TENM4: variants seen among roughly 807,000 people sequenced by gnomAD.
The protein encoded by TENM4 is teneurin transmembrane protein 4.
TENM4 carries 82 observed loss-of-function variants against 243.3 expected under a neutral mutation model. The ratio of observed to expected loss-of-function variants is 0.34; its 90% CI spans 0.28 to 0.40. The LOEUF (loss-of-function observed/expected upper bound fraction) is 0.40. Ranked by LOEUF, TENM4 falls within the 10% of genes least tolerant of loss-of-function variation. The probability of loss-of-function intolerance (pLI) is 1.00; values close to 1 mark genes in which losing one functional copy is unlikely to be tolerated. For synonymous variants in TENM4, 1,412 were observed against 1,456.3 expected, an observed-to-expected ratio of 0.97 and a Z score of 0.69; for missense variants, 3,138 against 3,673.3, an observed-to-expected ratio of 0.85 and a Z score of 3.77.
chr11:79,205,381 C>T (rs78369228), intron 3 of TENM4, among the ~76,000 whole-genome samples: 7 of 152,264 alleles, frequency 4.6e-5, no homozygotes, highest in East Asian at 3.9e-4. Flanking sequence ...TTTTACCACT[C>T]GCATAGGTTT....
chr11:78,688,965 T>C (rs1417343919), intron 28 of TENM4, among the ~76,000 whole-genome samples: 2 of 152,244 alleles, frequency 1.3e-5, no homozygotes, highest in Non-Finnish European at 2.9e-5. Flanking sequence ...CCTACCATCA[T>C]TGAACACCTC....
At chr11:78,882,484 A>G (rs1855452420) in intron 9 of TENM4, among the ~76,000 whole-genome samples, 2 of 152,224 alleles carry the variant, frequency 1.3e-5, no homozygotes, top group South Asian at 4.1e-4. Context: ...GCTTTGTGCT[A>G]GGGATTGAGT....
chr11:79,412,923 G>C (rs534051411), intron 1 of TENM4, among the ~76,000 whole-genome samples: 1 of 152,204 alleles, frequency 6.6e-6, no homozygotes, highest in Non-Finnish European at 1.5e-5. Context: ...ACAACACTCA[G>C]TCCAGAAAGG....
At chr11:79,285,278 C>G (rs890660410) in intron 2 of TENM4, among the ~76,000 whole-genome samples, 3 of 151,724 alleles carry the variant, frequency 2.0e-5, no homozygotes, top group Non-Finnish European at 4.4e-5. Flanking sequence ...TGCTGAGTAT[C>G]ATTCATCATT....
At chr11:79,295,714 T>C (rs543924455) in intron 2 of TENM4, among the ~76,000 whole-genome samples, 4 of 152,172 alleles carry the variant, frequency 2.6e-5, no homozygotes, top group African/African-American at 7.2e-5. Flanking sequence ...GGCATTTTTG[T>C]CTGACCCCAA....
At chr11:79,264,442 G>A (rs758884108) in intron 2 of TENM4, among the ~76,000 whole-genome samples, 3 of 152,158 alleles carry the variant, frequency 2.0e-5, no homozygotes, top group African/African-American at 7.2e-5. Context: ...GTGGTAAACC[G>A]ACAAGGGCTT....
At chr11:79,199,464 T>C (rs534634556) in intron 3 of TENM4, among the ~76,000 whole-genome samples, 2 of 152,350 alleles carry the variant, frequency 1.3e-5, no homozygotes, top group African/African-American at 4.8e-5. Context: ...ATACTTCCAT[T>C]ACCTGATACG....
intron 6 of TENM4, among the ~76,000 whole-genome samples, chr11:78,929,429 ATC>A (rs1398635258): frequency 1.3e-5 from 2 of 152,294 alleles, no homozygotes; most frequent in African/African-American, 4.8e-5. Context: ...AACTGATTTA[ATC>A]TCTCTCTCAG....
chr11:79,354,591 A>T (rs1857466661), intron 1 of TENM4, among the ~76,000 whole-genome samples: 1 of 152,196 alleles, frequency 6.6e-6, no homozygotes, highest in Admixed American at 6.5e-5. Flanking sequence ...TTTACTTAGA[A>T]AAGAAAGACT....
At chr11:79,352,968 G>A (rs1158246416) in intron 1 of TENM4, among the ~76,000 whole-genome samples, 1 of 152,144 alleles carries the variant, frequency 6.6e-6, no homozygotes, top group African/African-American at 2.4e-5. Flanking sequence ...ACAGAAAAAT[G>A]ACAGAGAGAC....
At chr11:78,798,785 C>T (rs1398729933) in intron 15 of TENM4, among the ~76,000 whole-genome samples, 1 of 152,096 alleles carries the variant, frequency 6.6e-6, no homozygotes, top group African/African-American at 2.4e-5. Flanking sequence ...TCCCTTCAGT[C>T]CCCTTTCAGG....
intron 3 of TENM4, among the ~76,000 whole-genome samples, chr11:79,187,099 C>G (rs7948750): frequency 0.09 from 13,681 of 152,174 alleles, 1,301 homozygotes; most frequent in East Asian, 0.41. Context: ...GAATGTTAAA[C>G]TTTTACACAC....
chr11:79,053,304 T>A (rs1256529333), intron 6 of TENM4, among the ~76,000 whole-genome samples: 1 of 152,190 alleles, frequency 6.6e-6, no homozygotes, highest in Non-Finnish European at 1.5e-5. Flanking sequence ...TGCTAGTAAT[T>A]CAAAGCTAAA....
At chr11:79,043,389 G>T (rs535284034) in intron 6 of TENM4, among the ~76,000 whole-genome samples, 1 of 152,258 alleles carries the variant, frequency 6.6e-6, no homozygotes, top group Non-Finnish European at 1.5e-5. Flanking sequence ...TCAGGCCTAT[G>T]GGCTGTGAGA....
At chr11:79,135,197 C>A (rs559040593) in intron 4 of TENM4, among the ~76,000 whole-genome samples, 1 of 152,094 alleles carries the variant, frequency 6.6e-6, no homozygotes, top group Non-Finnish European at 1.5e-5. Flanking sequence ...CACGAACAGG[C>A]AATTCTCAAA....
At chr11:79,303,340 A>G (rs1043441779) in intron 1 of TENM4, among the ~76,000 whole-genome samples, 1 of 152,106 alleles carries the variant, frequency 6.6e-6, no homozygotes, top group Non-Finnish European at 1.5e-5. Context: ...TAACCTCCCT[A>G]AGCCTCTGTG....
At chr11:79,029,848 A>G (rs1245826745) in intron 6 of TENM4, among the ~76,000 whole-genome samples, 1 of 152,176 alleles carries the variant, frequency 6.6e-6, no homozygotes, top group Admixed American at 6.5e-5. Flanking sequence ...CTTCGGTAAC[A>G]GCTTTTATTT....
At chr11:78,945,072 T>G (rs936875520) in intron 6 of TENM4, among the ~76,000 whole-genome samples, 1 of 152,258 alleles carries the variant, frequency 6.6e-6, no homozygotes, top group Non-Finnish European at 1.5e-5. Flanking sequence ...GAAAAACTTC[T>G]GTTCATAATC....
At chr11:78,949,632 C>T (rs1857072985) in intron 6 of TENM4, among the ~76,000 whole-genome samples, 1 of 152,152 alleles carries the variant, frequency 6.6e-6, no homozygotes, top group Admixed American at 6.5e-5. Context: ...TGGTGTTGCT[C>T]ACAAGACTAG....
Sources: allele counts gnomAD v4.1 joint callset (sites outside exome capture counted in the v4.1 genomes callset), GRCh38; gene constraint gnomAD v4.1.1; transcripts MANE v1.5; gene names NCBI Gene and HGNC (gene_info 2026-07-23, HGNC 2026-07-21).